The following ADCYAP1R1 variants were observed in gnomAD, a reference collection of about 807,000 sequenced individuals.
ADCYAP1R1 encodes pituitary adenylate cyclase-activating polypeptide type I receptor.
In ADCYAP1R1, 44 loss-of-function variants were observed where a neutral mutation model predicts 67.6. The observed-to-expected ratio is 0.65, with a 90% CI of 0.51 to 0.84. The LOEUF (loss-of-function observed/expected upper bound fraction) is 0.84, where lower values mean the gene tolerates loss of function less well. Among genes scored for constraint, ADCYAP1R1 ranks in the 40% least tolerant of loss-of-function variants. ADCYAP1R1 has a pLI of 0.00. For synonymous variants in ADCYAP1R1, 222 were observed against 219.6 expected, an observed-to-expected ratio of 1.01 and a Z score of -0.10; for missense variants, 477 against 587.9, an observed-to-expected ratio of 0.81 and a Z score of 1.95.
At chr7:31,106,122 C>T (rs574144391) in intron 15 of ADCYAP1R1, among the ~76,000 whole-genome samples, 1 of 152,352 alleles carries the variant, frequency 6.6e-6, no homozygotes, top group East Asian at 1.9e-4. Flanking sequence ...ATGTGTAGCC[C>T]ACTCTTACTG....
chr7:31,053,623 G>C (rs1332072168), intron 1 of ADCYAP1R1, among the ~76,000 whole-genome samples: 1 of 152,228 alleles, frequency 6.6e-6, no homozygotes, highest in Non-Finnish European at 1.5e-5. Flanking sequence ...GGAAGATGGG[G>C]GTGGGGTGGT....
chr7:31,061,620 C>T (rs1476502946), intron 1 of ADCYAP1R1, among the ~76,000 whole-genome samples: 1 of 152,200 alleles, frequency 6.6e-6, no homozygotes, highest in African/African-American at 2.4e-5. Context: ...ATATCTGAGG[C>T]CTCCCTCCCC....
chr7:31,100,258 G>A, intron 13 of ADCYAP1R1: 1 of 1,524,080 alleles, frequency 6.6e-7, no homozygotes, highest in Non-Finnish European at 8.9e-7. Flanking sequence ...GGAGGGGTGG[G>A]GGACGCATGC....
At chr7:31,074,541 G>A (rs138216419) in intron 3 of ADCYAP1R1, among the ~76,000 whole-genome samples, 1,694 of 152,276 alleles carry the variant, frequency 0.011, 30 homozygotes, top group African/African-American at 0.037. Context: ...CTGTGACCTC[G>A]GCAGTGTCAG....
chr7:31,089,720 T>A (rs1278651418), intron 12 of ADCYAP1R1, among the ~76,000 whole-genome samples: 4 of 152,206 alleles, frequency 2.6e-5, no homozygotes, highest in Admixed American at 2.0e-4. Context: ...ATTTCCCATG[T>A]CTTTGTTGAT....
chr7:31,105,538 T>A (rs1796605542), intron 15 of ADCYAP1R1, among the ~76,000 whole-genome samples: 1 of 152,218 alleles, frequency 6.6e-6, no homozygotes, highest in South Asian at 2.1e-4. Context: ...ACAGAGGTGC[T>A]GGGGCAGCGG....
intron 13 of ADCYAP1R1, among the ~76,000 whole-genome samples, chr7:31,098,703 C>CA (rs1485759739): frequency 1.7e-5 from 1 of 59,590 alleles, no homozygotes; most frequent in Non-Finnish European, 5.0e-5. Context: ...TGCAGCGGGG[C>CA]GGGGGGGGGG....
chr7:31,068,646 C>T (rs113101609), intron 3 of ADCYAP1R1, among the ~76,000 whole-genome samples: 79 of 152,300 alleles, frequency 5.2e-4, no homozygotes, highest in African/African-American at 1.7e-3. Context: ...AATGAGGTCT[C>T]GGCCTCTAAT....
At chr7:31,073,899 A>G (rs976206806) in intron 3 of ADCYAP1R1, among the ~76,000 whole-genome samples, 2 of 152,050 alleles carry the variant, frequency 1.3e-5, no homozygotes, top group Non-Finnish European at 2.9e-5. Flanking sequence ...TACTATACGA[A>G]TTGTCTTTAG....
intron 12 of ADCYAP1R1, 57 bp from the exon 13 acceptor site, chr7:31,092,584 AAAT>A: frequency 7.2e-7 from 1 of 1,380,126 alleles, no homozygotes; most frequent in Non-Finnish European, 1.0e-6. Flanking sequence ...CCTGCTGGGG[AAAT>A]AATAGCATCT....
intron 3 of ADCYAP1R1, among the ~76,000 whole-genome samples, chr7:31,071,576 C>T (rs73688753): frequency 0.021 from 3,169 of 152,280 alleles, 95 homozygotes; most frequent in African/African-American, 0.072. Flanking sequence ...AACATGTTTT[C>T]CTGGCTGCTG....
chr7:31,056,610 C>T (rs915909186), intron 1 of ADCYAP1R1, among the ~76,000 whole-genome samples: 7 of 152,082 alleles, frequency 4.6e-5, no homozygotes, highest in Non-Finnish European at 8.8e-5. Flanking sequence ...CCATCCCAAC[C>T]GCCTTCCTGC....
At chr7:31,105,180 C>T (rs372749692) in intron 15 of ADCYAP1R1, among the ~76,000 whole-genome samples, 5 of 152,234 alleles carry the variant, frequency 3.3e-5, no homozygotes, top group South Asian at 2.1e-4. Flanking sequence ...GTAAAAGCGT[C>T]GGCTCTGCTG....
chr7:31,092,347 T>C (rs1394867858), intron 12 of ADCYAP1R1, among the ~76,000 whole-genome samples: 1 of 152,062 alleles, frequency 6.6e-6, no homozygotes, highest in Non-Finnish European at 1.5e-5. Flanking sequence ...GCTGTAGTTT[T>C]CCCATCACCC....
chr7:31,063,172 C>A, intron 1 of ADCYAP1R1, 22 bp from the exon 2 acceptor site: 1 of 1,517,788 alleles, frequency 6.6e-7, no homozygotes, highest in Non-Finnish European at 9.1e-7. Flanking sequence ...TCACAGGATT[C>A]ACACCTTTCC....
At chr7:31,067,675 G>T in intron 3 of ADCYAP1R1, among the ~76,000 whole-genome samples, 1 of 152,258 alleles carries the variant, frequency 6.6e-6, no homozygotes, top group South Asian at 2.1e-4. Context: ...ACATGCTGTG[G>T]GTCCCAGCAC....
At chr7:31,089,020 T>C (rs113630038) in intron 12 of ADCYAP1R1, among the ~76,000 whole-genome samples, 2,053 of 152,292 alleles carry the variant, frequency 0.013, 48 homozygotes, top group African/African-American at 0.047. Context: ...CAGTCTTTCT[T>C]ATAGAGTCAT....
Position 31,110,705 on chromosome 7 carries a change from C to G in ADCYAP1R1, c.*4021C>G, listed in dbSNP as rs978681969. The G allele has an allele frequency of 1.3e-5, 2 of 152,696 alleles. No individual in the cohort carries two copies. Among genetic ancestry groups the G allele is most frequent in the African/African-American group, 4.8e-5 (2 of 41,444 alleles). The allele number at this position is 152,696 out of a possible 1,614,324, so 9.5% of individuals were successfully genotyped here. ...AGTCAGTGTGGTGTGGGGAGACCTACTTTTTAACCTGGGCTTAGCCACCTG... is the reference window on the plus strand; with the variant it reads ...AGTCAGTGTGGTGTGGGGAGACCTAGTTTTTAACCTGGGCTTAGCCACCTG... On this transcript the variant is annotated 3_prime_UTR_variant, in exon 16 of 16. Coordinates refer to ENST00000304166, the MANE Select transcript of ADCYAP1R1 (RefSeq NM_001118.5).
intron 1 of ADCYAP1R1, among the ~76,000 whole-genome samples, chr7:31,057,572 T>C (rs1794304493): frequency 6.6e-6 from 1 of 152,244 alleles, no homozygotes; most frequent in Admixed American, 6.5e-5. Context: ...CCTGTCACCT[T>C]GTCACGCCTG....
Sources: gnomAD v4.1 joint callset for allele counts (sites outside exome capture counted in the v4.1 genomes callset) on GRCh38, gnomAD v4.1.1 for gene constraint, MANE v1.5 for transcripts, NCBI Gene and HGNC (gene_info 2026-07-23, HGNC 2026-07-21) for gene names.